Variants in MRPL48 observed in about 807,000 individuals in gnomAD.
MRPL48 encodes large ribosomal subunit protein mL48.
Under a neutral mutation model 32.9 loss-of-function variants are expected in MRPL48, and 16 were observed. That is an observed-to-expected ratio of 0.49 (90% CI 0.33 to 0.74). MRPL48 has a LOEUF of 0.74. MRPL48 is among the 30% of genes least tolerant of loss of function. The pLI is 0.02. For missense variants in MRPL48, 206 were observed against 245.3 expected (o/e 0.84, Z 1.07); for synonymous variants, 94 against 89.2 (o/e 1.05, Z -0.31).
At chr11:73,808,178 T>C (rs148224709) in intron 2 of MRPL48, 135 bp from the exon 3 acceptor site, 10,063 of 882,822 alleles carry the variant, frequency 0.011, 130 homozygotes, top group Middle Eastern at 0.042. Context: ...TTAAAGTTTG[T>C]GGAAGGAAGA....
rs571369835 is a variant in MRPL48 at position 73,830,235 on chromosome 11, T to G, written c.201+4439T>G. The stretch of plus-strand genomic sequence containing the variant: ...GTGGTTATTGGAGCTGCCCTGTGGT[T>G]TTATAAATCAGATTTATCAAATATA... On this transcript the variant is annotated intron_variant, in intron 4 of 7. Transcript: ENST00000310614. Among the ~76,000 whole-genome samples, 5 of 152,332 alleles carry G rather than the reference T, an allele frequency of 3.3e-5. No individual in the cohort carries two copies. In the South Asian group the frequency reaches 1.0e-3, roughly 32 times the overall value.
intron 3 of MRPL48, among the ~76,000 whole-genome samples, chr11:73,812,717 A>AAT (rs370608269): frequency 0.18 from 23,913 of 135,260 alleles, 2,383 homozygotes; most frequent in African/African-American, 0.28. Context: ...CCCATGTCTA[A>AAT]ATATATATAT....
chr11:73,837,890 C>G (rs548795890), intron 4 of MRPL48, among the ~76,000 whole-genome samples: 3 of 152,126 alleles, frequency 2.0e-5, no homozygotes, highest in African/African-American at 7.2e-5. Context: ...CACTGTTGCC[C>G]GGGCTGGAGT....
intron 5 of MRPL48, among the ~76,000 whole-genome samples, chr11:73,848,814 T>G (rs1300998549): frequency 1.3e-5 from 2 of 151,582 alleles, no homozygotes; most frequent in African/African-American, 4.8e-5. Context: ...TTCTTCCCTT[T>G]GTAATTTTTT....
At chr11:73,851,177 C>G in intron 5 of MRPL48, 1 of 439,560 alleles carries the variant, frequency 2.3e-6, no homozygotes, top group Non-Finnish European at 4.7e-6. Flanking sequence ...GCAAACTCCT[C>G]CCAGTTCACA....
chr11:73,848,400 A>C (rs1409210461), intron 5 of MRPL48, among the ~76,000 whole-genome samples: 1 of 151,842 alleles, frequency 6.6e-6, no homozygotes, highest in Non-Finnish European at 1.5e-5. Context: ...TTCTTTTTCA[A>C]AATTATTTTG....
At chr11:73,808,717 T>A (rs1288216024) in intron 3 of MRPL48, among the ~76,000 whole-genome samples, 3 of 151,212 alleles carry the variant, frequency 2.0e-5, no homozygotes, top group African/African-American at 4.9e-5. Context: ...AGGTCAGGAG[T>A]TCGAGACCAG....
intron 5 of MRPL48, among the ~76,000 whole-genome samples, chr11:73,852,794 C>T (rs1352070035): frequency 6.6e-6 from 1 of 152,206 alleles, no homozygotes; most frequent in Non-Finnish European, 1.5e-5. Flanking sequence ...GTTATCTGCA[C>T]TCCCGTATTT....
At chr11:73,820,236 C>A (rs1947752231) in intron 3 of MRPL48, among the ~76,000 whole-genome samples, 1 of 152,168 alleles carries the variant, frequency 6.6e-6, no homozygotes, top group Admixed American at 6.6e-5. Context: ...TGGTCTCTTT[C>A]TTTTTTGAGA....
At chr11:73,807,396 T>TG (rs1272774473) in intron 2 of MRPL48, among the ~76,000 whole-genome samples, 1 of 151,658 alleles carries the variant, frequency 6.6e-6, no homozygotes, top group Non-Finnish European at 1.5e-5. Flanking sequence ...TTCTTTTTTT[T>TG]TTTCTTAATC....
chr11:73,805,574 G>A (rs1450313575), intron 2 of MRPL48, among the ~76,000 whole-genome samples: 4 of 151,502 alleles, frequency 2.6e-5, no homozygotes, highest in Non-Finnish European at 2.9e-5. Flanking sequence ...GGAATTACAG[G>A]TGTGGGCCCC....
At chr11:73,793,005 G>A (rs1947179025) in intron 1 of MRPL48, among the ~76,000 whole-genome samples, 1 of 152,236 alleles carries the variant, frequency 6.6e-6, no homozygotes, top group South Asian at 2.1e-4. Context: ...CACTTGCTGT[G>A]TGCCAGAGTG....
chr11:73,795,070 C>T lies in MRPL48; in HGVS notation c.21+7078C>T, dbSNP rs544417387. Among the ~76,000 whole-genome samples the T allele has an allele frequency of 1.1e-4, 16 of 152,032 alleles. No homozygotes were observed. In the South Asian group the frequency reaches 3.3e-3, roughly 32 times the overall value. ...GGGACTACAGGCACCCACCACCACACCCAGCTAATTTTTTTGTATTTTTTT... is the reference window on the plus strand; with the variant it reads ...GGGACTACAGGCACCCACCACCACATCCAGCTAATTTTTTTGTATTTTTTT... On this transcript the variant is annotated intron_variant, in intron 1 of 7. Transcript: ENST00000310614.
At chr11:73,808,411 T>C in intron 3 of MRPL48, 61 bp downstream of exon 3, 2 of 1,502,974 alleles carry the variant, frequency 1.3e-6, no homozygotes, top group Non-Finnish European at 1.8e-6. Flanking sequence ...CACTCTATAA[T>C]AATTTTGCCT....
At chr11:73,801,398 T>G (rs1377515413) in intron 1 of MRPL48, among the ~76,000 whole-genome samples, 3 of 152,108 alleles carry the variant, frequency 2.0e-5, no homozygotes, top group Non-Finnish European at 4.4e-5. Flanking sequence ...TGACCTCTCC[T>G]GGGGCCCCAG....
At chr11:73,835,009 T>A (rs1442208152) in intron 4 of MRPL48, among the ~76,000 whole-genome samples, 3 of 151,674 alleles carry the variant, frequency 2.0e-5, no homozygotes, top group Admixed American at 6.6e-5. Context: ...TTTTTAAATT[T>A]TTTTGTGGAG....
At chr11:73,840,913 G>C (rs1169014760) in intron 4 of MRPL48, among the ~76,000 whole-genome samples, 1 of 152,158 alleles carries the variant, frequency 6.6e-6, no homozygotes, top group African/African-American at 2.4e-5. Flanking sequence ...AATATATAAA[G>C]AGCCTCTACA....
At chr11:73,840,308 C>T (rs1054790061) in intron 4 of MRPL48, among the ~76,000 whole-genome samples, 4 of 152,048 alleles carry the variant, frequency 2.6e-5, no homozygotes, top group Non-Finnish European at 5.9e-5. Flanking sequence ...GCCTGTGCAA[C>T]GTGGAAAAAC....
intron 4 of MRPL48, among the ~76,000 whole-genome samples, chr11:73,834,563 T>TTGG (rs1283748908): frequency 1.0e-4 from 15 of 150,512 alleles, no homozygotes; most frequent in African/African-American, 3.4e-4. Context: ...AGACGGAGTC[T>TTGG]CGCTCTGTCA....
Sources: gnomAD v4.1 joint callset for allele counts (sites outside exome capture counted in the v4.1 genomes callset) on GRCh38, gnomAD v4.1.1 for gene constraint, MANE v1.5 for transcripts, NCBI Gene and HGNC (gene_info 2026-07-23, HGNC 2026-07-21) for gene names.